Variants in ANKS1B observed in about 807,000 individuals in gnomAD.
ANKS1B encodes the protein ankyrin repeat and sterile alpha motif domain containing 1B.
A neutral mutation model predicts 148.3 loss-of-function variants in ANKS1B; 36 were observed. The observed-to-expected ratio is 0.24, with a 90% CI of 0.19 to 0.32. ANKS1B has a LOEUF of 0.32. ANKS1B is among the 10% of genes least tolerant of loss of function. The pLI, the probability that ANKS1B is intolerant of heterozygous loss-of-function variation, is 1.00. For missense variants in ANKS1B, 1,157 were observed against 1,542.6 expected, an observed-to-expected ratio of 0.75 and a Z score of 4.19; for synonymous variants, 542 against 560.8, an observed-to-expected ratio of 0.97 and a Z score of 0.47.
At chr12:99,364,781 A>T (rs957175210) in intron 12 of ANKS1B, among the ~76,000 whole-genome samples, 5 of 152,142 alleles carry the variant, frequency 3.3e-5, no homozygotes, top group African/African-American at 1.2e-4. Flanking sequence ...TTAGATCAAA[A>T]CCACTGCATT....
intron 11 of ANKS1B, among the ~76,000 whole-genome samples, chr12:99,439,267 C>CA (rs2095511017): frequency 6.6e-6 from 1 of 151,494 alleles, no homozygotes; most frequent in Non-Finnish European, 1.5e-5. Flanking sequence ...GGACAAGTCA[C>CA]AAAAACACTA....
intron 9 of ANKS1B, among the ~76,000 whole-genome samples, chr12:99,610,030 G>T (rs1010764701): frequency 7.2e-5 from 11 of 151,976 alleles, no homozygotes; most frequent in African/African-American, 2.7e-4. Context: ...TTGAACACCA[G>T]AGTTACAAGC....
At chr12:99,616,470 C>A (rs1220671408) in intron 9 of ANKS1B, among the ~76,000 whole-genome samples, 2 of 151,972 alleles carry the variant, frequency 1.3e-5, no homozygotes, top group Admixed American at 6.6e-5. Context: ...AGAACAGAGG[C>A]CTCAGAAATA....
chr12:99,052,427 T>C lies in ANKS1B; in HGVS notation c.2778+730A>G, dbSNP rs2099966704. Among the ~76,000 whole-genome samples the C allele has an allele frequency of 2.0e-5, 3 of 152,110 alleles. No homozygotes were observed. In the South Asian group the frequency reaches 6.2e-4, roughly 32 times the overall value. On this transcript the variant is annotated intron_variant, in intron 17 of 26. Coordinates refer to ENST00000683438, the MANE Select transcript of ANKS1B (RefSeq NM_001352186.2). ...TGGAGTGTGGGATTTGTATATGTGA[T>C]TAAGAAATAGAGACAAGGGGCCGGG...
chr12:99,557,730 A>C (rs545588106), intron 9 of ANKS1B, among the ~76,000 whole-genome samples: 1 of 152,322 alleles, frequency 6.6e-6, no homozygotes, highest in African/African-American at 2.4e-5. Context: ...CTGAATACAA[A>C]GACAATCTGG....
intron 11 of ANKS1B, 112 bp from the exon 12 acceptor site, chr12:99,399,923 G>GT: frequency 1.1e-6 from 1 of 946,700 alleles, no homozygotes; most frequent in Non-Finnish European, 1.6e-6. Flanking sequence ...AACTATCTGG[G>GT]TTTTATACTT....
At chr12:98,795,625 C>T (rs1245303713) in intron 22 of ANKS1B, 1 of 449,570 alleles carries the variant, frequency 2.2e-6, no homozygotes, top group Non-Finnish European at 4.4e-6. Flanking sequence ...TTTCTGGGTA[C>T]AACATCTGTT....
intron 1 of ANKS1B, among the ~76,000 whole-genome samples, chr12:99,975,598 G>C (rs1179370543): frequency 1.3e-5 from 2 of 152,080 alleles, no homozygotes; most frequent in Non-Finnish European, 2.9e-5. Context: ...TTTTATGTTT[G>C]TTGGCCACTT....
At chr12:99,333,859 T>TG (rs1603070944) in intron 12 of ANKS1B, among the ~76,000 whole-genome samples, 2 of 149,104 alleles carry the variant, frequency 1.3e-5, no homozygotes, top group East Asian at 3.9e-4. Flanking sequence ...TCTCAGTTTT[T>TG]TTTTTTTTTT....
At chr12:99,925,111 C>A (rs2094452964) in intron 1 of ANKS1B, among the ~76,000 whole-genome samples, 1 of 152,056 alleles carries the variant, frequency 6.6e-6, no homozygotes. Flanking sequence ...TACACTGGAG[C>A]AGAAATAAGA....
In ANKS1B at chr12:99,939,365, C is replaced by T. The variant is rs561433442; in HGVS notation, c.134+44739G>A. On this transcript the variant is annotated intron_variant, in intron 1 of 26. Transcript: ENST00000683438. ...TCAGCCTCCCAAAGTGCTGGGATTA[C>T]AGGTGTGAGCCACCATGCCCAGCTA... 2.0e-5 allele frequency among the ~76,000 whole-genome samples: 3 copies of T among 152,256 alleles called. No homozygotes were observed. The East Asian group carries it at 5.8e-4, about 29-fold the overall frequency.
chr12:98,762,959 T>G (rs1228391806), intron 25 of ANKS1B, among the ~76,000 whole-genome samples: 1 of 152,234 alleles, frequency 6.6e-6, no homozygotes, highest in Non-Finnish European at 1.5e-5. Context: ...AACTTGCACC[T>G]TAAGGTTAAG....
At chr12:99,104,388 C>T (rs938782554) in intron 15 of ANKS1B, 27 of 152,124 alleles carry the variant, frequency 1.8e-4, no homozygotes, top group Non-Finnish European at 2.8e-4. Flanking sequence ...TATTACATAT[C>T]GTGTAACACA....
At chr12:99,237,537 A>T (rs2088245652) in intron 14 of ANKS1B, among the ~76,000 whole-genome samples, 1 of 152,198 alleles carries the variant, frequency 6.6e-6, no homozygotes, top group Admixed American at 6.5e-5. Flanking sequence ...TAAAATAGTG[A>T]TTGTAAAACC....
chr12:99,449,646 G>A (rs2095693474), intron 10 of ANKS1B, among the ~76,000 whole-genome samples: 1 of 151,962 alleles, frequency 6.6e-6, no homozygotes, highest in African/African-American at 2.4e-5. Flanking sequence ...ATTATCAAAA[G>A]AAACACCATC....
chr12:99,594,653 G>A (rs753640892), intron 9 of ANKS1B, among the ~76,000 whole-genome samples: 1 of 152,010 alleles, frequency 6.6e-6, no homozygotes, highest in Non-Finnish European at 1.5e-5. Context: ...ACTTAAATGT[G>A]AAATCTAAAA....
intron 12 of ANKS1B, among the ~76,000 whole-genome samples, chr12:99,301,902 G>A (rs887636416): frequency 1.3e-5 from 2 of 152,092 alleles, no homozygotes; most frequent in Admixed American, 1.3e-4. Context: ...AGGTCAACCA[G>A]GAGACTGCAT....
chr12:99,170,537 G>A (rs2077643094), intron 14 of ANKS1B, among the ~76,000 whole-genome samples: 1 of 152,108 alleles, frequency 6.6e-6, no homozygotes, highest in African/African-American at 2.4e-5. Context: ...CAATCGTAGG[G>A]ATATATTGTT....
At chr12:99,845,066 T>G (rs1208583850) in intron 1 of ANKS1B, among the ~76,000 whole-genome samples, 1 of 152,190 alleles carries the variant, frequency 6.6e-6, no homozygotes, top group Non-Finnish European at 1.5e-5. Flanking sequence ...ATGCTAACTA[T>G]TTTTGCACAA....
Sources: allele counts gnomAD v4.1 joint callset (sites outside exome capture counted in the v4.1 genomes callset), GRCh38; gene constraint gnomAD v4.1.1; transcripts MANE v1.5; gene names NCBI Gene and HGNC (gene_info 2026-07-23, HGNC 2026-07-21).